MYCBP2: variants seen among roughly 807,000 people sequenced by gnomAD.
The protein encoded by MYCBP2 is MYC binding protein 2, also known as E3 ubiquitin-protein ligase MYCBP2.
Under a neutral mutation model 525.3 loss-of-function variants are expected in MYCBP2, and 120 were observed. That is an observed-to-expected ratio of 0.23 (90% CI 0.20 to 0.27). The LOEUF (loss-of-function observed/expected upper bound fraction) is 0.27, where lower values mean the gene tolerates loss of function less well. Among genes scored for constraint, MYCBP2 ranks in the 10% least tolerant of loss-of-function variants. The pLI is 1.00. For synonymous variants in MYCBP2, 1,894 were observed against 1,955.8 expected, an observed-to-expected ratio of 0.97 and a Z score of 0.83; for missense variants, 4,149 against 5,657.1, an observed-to-expected ratio of 0.73 and a Z score of 8.55.
Position 77,066,107 on chromosome 13 carries a change from C to T in MYCBP2, c.12456-19G>A, listed in dbSNP as rs766544618. On this transcript the variant is annotated intron_variant, in intron 71 of 82. Transcript: ENST00000544440. Reference sequence around the variant, plus strand: ...GAGATAACTACAAGAAAAATTAGCACTTAAAAAGCCAATAAATTATCAGTA... The same window carrying T: ...GAGATAACTACAAGAAAAATTAGCATTTAAAAAGCCAATAAATTATCAGTA... The T allele has an allele frequency of 1.3e-6, 2 of 1,535,422 alleles. No individual in the cohort carries two copies. Among genetic ancestry groups the T allele is most frequent in the African/African-American group, 2.7e-5 (2 of 73,092 alleles).
rs1487565165 is a variant in MYCBP2, at chr13:77,150,838, T to C, written c.7027A>G (p.Asn2343Asp). 1 of 1,614,040 alleles carries C rather than the reference T, an allele frequency of 6.2e-7. No individual in the cohort carries two copies. The highest frequency in any genetic ancestry group is 1.3e-5 in the African/African-American group (1 of 74,934). ...GSPAVTAASS[N>D]TDMTYGGLAS... ...AGCCCTCCATAAGTCATGTCAGTAT[T>C]AGAAGATGCAGCTGTTACTGCAGGA... Residue 2343 changes from asparagine to aspartate, a missense_variant, in exon 47 of 83, where the codon AAT becomes GAT. This residue lies in a region of MYCBP2 where 692 missense variants were observed against 852.7 expected (regional missense o/e 0.81). Transcript: ENST00000544440.
chr13:77,219,400 C>A (rs933607603), intron 20 of MYCBP2, among the ~76,000 whole-genome samples: 2 of 145,768 alleles, frequency 1.4e-5, no homozygotes, highest in African/African-American at 2.5e-5. Context: ...TATCCCAGCA[C>A]TAAAGGGAAA....
chr13:77,165,114 A>G (rs868354897), intron 42 of MYCBP2, among the ~76,000 whole-genome samples, 159 bp downstream of exon 42: 6 of 152,186 alleles, frequency 3.9e-5, no homozygotes, highest in African/African-American at 1.4e-4. Flanking sequence ...GGATTCTCTC[A>G]CCTCTCAAAG....
At chr13:77,217,643 A>C (rs1641119008) in intron 21 of MYCBP2, among the ~76,000 whole-genome samples, 197 bp downstream of exon 21, 1 of 152,146 alleles carries the variant, frequency 6.6e-6, no homozygotes, top group South Asian at 2.1e-4. Context: ...TCTAATGCTG[A>C]GCTAGAGAGG....
At chr13:77,131,860 C>A (rs1296034107) in intron 52 of MYCBP2, among the ~76,000 whole-genome samples, 1 of 152,078 alleles carries the variant, frequency 6.6e-6, no homozygotes, top group East Asian at 1.9e-4. Context: ...AGCTGATAAT[C>A]TTTCATGGCG....
chr13:77,149,502 T>C (rs1036255331), intron 47 of MYCBP2, among the ~76,000 whole-genome samples: 3 of 152,156 alleles, frequency 2.0e-5, no homozygotes, highest in Admixed American at 6.5e-5. Context: ...TCATTCACCA[T>C]AGAAGGTATC....
rs1253063826 is a variant in MYCBP2, at chr13:77,185,953, T to C, written c.4362A>G (p.Leu1454=). ...CCACAAAGCGCAGTCTCTCTAAATC[T>C]AGGAGTGTAGCTGTGAACTGGAATC... ...LKGFQFTATL[L]DLERLRFVGT... is the part of the protein sequence containing the mutation. The change falls in exon 31 of 83, where the codon CTA becomes CTG. Residue 1454 remains leucine, a synonymous_variant. Transcript: ENST00000544440. 1.2e-6 allele frequency: 2 copies of C among 1,613,942 alleles called. No individual in the cohort carries two copies. Among genetic ancestry groups the C allele is most frequent in the Non-Finnish European group, 1.7e-6 (2 of 1,179,878 alleles).
chr13:77,097,872 T>C lies in MYCBP2; in HGVS notation c.9282A>G (p.Ser3094=), dbSNP rs2046483902. Residue 3094 remains serine (S), a synonymous_variant, in exon 56 of 83, where the codon TCA becomes TCG. Coordinates refer to ENST00000544440, the MANE Select transcript of MYCBP2 (RefSeq NM_015057.5). ...CAATATTAAACATATTCAGTGCAGA[T>C]GATATTTCTAATGAATGTCTATTTT... ...KLKNRHSLEI[S]SALNMFNIAP... 1.2e-6 allele frequency: 2 copies of C among 1,613,130 alleles called. No homozygotes were observed. Among genetic ancestry groups the C allele is most frequent in the East Asian group, 4.5e-5 (2 of 44,862 alleles).
At chr13:77,078,442 T>C (rs753184744) in intron 66 of MYCBP2, among the ~76,000 whole-genome samples, 1 of 152,194 alleles carries the variant, frequency 6.6e-6, no homozygotes, top group Non-Finnish European at 1.5e-5. Flanking sequence ...ATAAGTGTTA[T>C]AACAGACAGA....
chr13:77,114,548 T>C (rs1328082935), intron 55 of MYCBP2, among the ~76,000 whole-genome samples: 1 of 152,092 alleles, frequency 6.6e-6, no homozygotes, highest in Non-Finnish European at 1.5e-5. Context: ...TAAATAGTCA[T>C]GCAGATATCC....
chr13:77,322,282 G>A (rs2081756981), intron 1 of MYCBP2, among the ~76,000 whole-genome samples: 1 of 152,104 alleles, frequency 6.6e-6, no homozygotes, highest in Non-Finnish European at 1.5e-5. Context: ...AAAAACTAAG[G>A]GGGTTAAGTT....
chr13:77,142,629 T>A (rs114449292), intron 49 of MYCBP2, among the ~76,000 whole-genome samples: 1 of 152,204 alleles, frequency 6.6e-6, no homozygotes, highest in East Asian at 1.9e-4. Context: ...ACGATAAGGA[T>A]TAAACATAGT....
At chr13:77,325,803 G>A (rs1007613964) in intron 1 of MYCBP2, among the ~76,000 whole-genome samples, 1 of 152,148 alleles carries the variant, frequency 6.6e-6, no homozygotes, top group African/African-American at 2.4e-5. Flanking sequence ...CAAAAGGCCC[G>A]GTTATCAAAG....
In MYCBP2 at chr13:77,239,434, A is replaced by C. The variant is rs558966162; in HGVS notation, c.2629+3625T>G. 2.0e-5 allele frequency among the ~76,000 whole-genome samples: 3 copies of C among 152,308 alleles called. No homozygotes were observed. The East Asian group carries it at 5.8e-4, about 29-fold the overall frequency. On this transcript the variant is annotated intron_variant, in intron 17 of 82. Coordinates refer to ENST00000544440, the MANE Select transcript of MYCBP2 (RefSeq NM_015057.5). ...CAAAGCCACTACAATCTTTTCTAGC[A>C]CAGTGCCAGAGAAGAGCCTTAGAAC...
intron 8 of MYCBP2, 47 bp from the exon 9 acceptor site, chr13:77,264,049 T>C (rs2154339937): frequency 6.6e-7 from 1 of 1,511,274 alleles, no homozygotes; most frequent in Non-Finnish European, 9.1e-7. Flanking sequence ...GCAAACACCT[T>C]GCAAAATGAA....
intron 26 of MYCBP2, among the ~76,000 whole-genome samples, chr13:77,199,173 A>G (rs2062125580): frequency 6.6e-6 from 1 of 152,240 alleles, no homozygotes; most frequent in Non-Finnish European, 1.5e-5. Flanking sequence ...GGAGCAGGAC[A>G]GTGGGTGTGC....
chr13:77,087,480 T>C lies in MYCBP2; in HGVS notation c.10875+4A>G, dbSNP rs1240632169. 1 of 1,603,998 alleles carries C rather than the reference T, an allele frequency of 6.2e-7. No homozygotes were observed. The highest frequency in any genetic ancestry group is 1.7e-5 in the Admixed American group (1 of 58,902). ...TGCACAATCAAAACAAAAATTTCATTTACTTGTTCTGAATTTTCTTTGCTT... is the reference window on the plus strand; with the variant it reads ...TGCACAATCAAAACAAAAATTTCATCTACTTGTTCTGAATTTTCTTTGCTT... On this transcript the variant is annotated splice_donor_region_variant and intron_variant, in intron 62 of 82. Coordinates refer to ENST00000544440, the MANE Select transcript of MYCBP2 (RefSeq NM_015057.5).
At chr13:77,088,065 T>G (rs931606399) in intron 61 of MYCBP2, among the ~76,000 whole-genome samples, 6 of 152,154 alleles carry the variant, frequency 3.9e-5, no homozygotes, top group African/African-American at 1.4e-4. Flanking sequence ...ATTACAAGCA[T>G]GGGCTACTAT....
At chr13:77,182,552 C>T (rs1284279256) in intron 32 of MYCBP2, among the ~76,000 whole-genome samples, 1 of 152,144 alleles carries the variant, frequency 6.6e-6, no homozygotes, top group African/African-American at 2.4e-5. Context: ...ATATGTTAAA[C>T]CAACATTTGC....
Sources: gnomAD v4.1 joint callset for allele counts (sites outside exome capture counted in the v4.1 genomes callset) on GRCh38, gnomAD v4.1.1 for gene constraint, gnomAD v4.1.1 regional missense constraint, MANE v1.5 for transcripts, NCBI Gene and HGNC (gene_info 2026-07-23, HGNC 2026-07-21) for gene names.